The following MGST1 variants were observed in gnomAD, a reference collection of about 807,000 sequenced individuals.
MGST1 encodes glutathione S-transferase 12.
Under a neutral mutation model 8.9 loss-of-function variants are expected in MGST1, and 5 were observed. The ratio of observed to expected loss-of-function variants is 0.56; its 90% CI spans 0.29 to 1.19. MGST1 has a LOEUF of 1.19. MGST1 is among the 50% of genes most tolerant of loss of function. The probability of loss-of-function intolerance (pLI) is 0.08; values close to 1 mark genes in which losing one functional copy is unlikely to be tolerated. For missense variants in MGST1, 182 were observed against 187.4 expected (o/e 0.97, Z 0.17); for synonymous variants, 54 against 67.8 (o/e 0.80, Z 1.00).
At chr12:16,535,419 TAA>T (rs1468943700) in intron 4 of MGST1, among the ~76,000 whole-genome samples, 4 of 152,192 alleles carry the variant, frequency 2.6e-5, no homozygotes, top group Non-Finnish European at 5.9e-5. Context: ...CTAAGAATTA[TAA>T]AGAGTTTTAG....
chr12:16,456,152 T>TA (rs1312874575), intron 4 of MGST1, among the ~76,000 whole-genome samples: 3 of 151,752 alleles, frequency 2.0e-5, no homozygotes, highest in Admixed American at 2.0e-4. Context: ...AATTTTAAAA[T>TA]AAAAAAATTA....
At chr12:16,574,175 A>G (rs1002059687) in intron 4 of MGST1, among the ~76,000 whole-genome samples, 5 of 152,160 alleles carry the variant, frequency 3.3e-5, no homozygotes, top group African/African-American at 9.7e-5. Context: ...TTAGAGGAAG[A>G]CAGTAGGGCT....
At chr12:16,367,922 T>TTTTTTTTTTTTTTTTTTGAGAC (rs1565440579), downstream of MGST1, among the ~76,000 whole-genome samples, 20 of 152,174 alleles carry the variant, frequency 1.3e-4, no homozygotes, top group East Asian at 7.7e-4. Context: ...TCCTGTTTCT[T>TTTTTTTTTTTTTTTTTTGAGAC]GGGCTATCCA....
At chr12:16,472,893 A>G (rs1941297509) in intron 4 of MGST1, among the ~76,000 whole-genome samples, 1 of 152,196 alleles carries the variant, frequency 6.6e-6, no homozygotes, top group Non-Finnish European at 1.5e-5. Context: ...CTTTGAGCCA[A>G]GCTCTAAAGG....
rs150628270 is a variant in MGST1, at chr12:16,399,988, G to C, written n.778+16384G>C. The C allele has an allele frequency of 4.2e-6, 6 of 1,434,916 alleles. No homozygotes were observed. The African/African-American group carries it at 7.0e-5, about 17-fold the overall frequency. The allele number at this position is 1,434,916 out of a possible 1,614,324, so 88.9% of individuals were successfully genotyped here. A position where few individuals can be genotyped will look rare whatever the true frequency, so the allele number is the denominator to read the frequency against. On this transcript the variant is annotated intron_variant and non_coding_transcript_variant, in intron 1 of 1. Transcript: ENST00000359720. ...ACTACTAGTGGGCTGAAGGAGGCAGGTACTCCTGTAGGGAGCTCTGTTAAA... is the reference window on the plus strand; with the variant it reads ...ACTACTAGTGGGCTGAAGGAGGCAGCTACTCCTGTAGGGAGCTCTGTTAAA...
chr12:16,483,812 T>C (rs1189279744), intron 4 of MGST1, among the ~76,000 whole-genome samples: 1 of 152,170 alleles, frequency 6.6e-6, no homozygotes, highest in African/African-American at 2.4e-5. Flanking sequence ...ATGTGAAAGA[T>C]TTGGGTACTA....
exon 1 of MGST1, chr12:16,383,088 A>C (rs1940472054): frequency 6.6e-6 from 1 of 152,654 alleles, no homozygotes; most frequent in Non-Finnish European, 1.5e-5. Flanking sequence ...GACCCCTTGC[A>C]CTTCCTGGGT....
chr12:16,487,702 C>T (rs1941409022), intron 4 of MGST1, among the ~76,000 whole-genome samples: 1 of 152,098 alleles, frequency 6.6e-6, no homozygotes, highest in Non-Finnish European at 1.5e-5. Flanking sequence ...GGCTGGAGGG[C>T]AGTGGCGTGA....
chr12:16,369,933 C>T lies in MGST1; in HGVS notation c.222-6189C>T, dbSNP rs548922349. ...CTAAAGTGCTGGGAAATGGACTCAA[C>T]CCCCTCAGGGAGATGAACCGCAAAG... On this transcript the variant is annotated intron_variant, in intron 3 of 3. Coordinates refer to the MGST1 transcript ENST00000535309. The surrounding 1 kb of genome is among the most constrained non-coding windows in gnomAD (Gnocchi z 4.8). 1 of 152,336 alleles carries T rather than the reference C, an allele frequency of 6.6e-6. No individual in the cohort carries two copies. The highest frequency in any genetic ancestry group is 1.9e-4 in the East Asian group (1 of 5,168). 9.4% of individuals were successfully genotyped at this position (152,336 alleles called of 1,614,324 possible).
intron 4 of MGST1, among the ~76,000 whole-genome samples, chr12:16,516,741 A>G (rs369235199): frequency 2.6e-5 from 4 of 152,304 alleles, no homozygotes; most frequent in East Asian, 1.9e-4. Context: ...TCTATCAGAA[A>G]TGACCTCCCT....
At chr12:16,354,563 A>G (rs1939624664) in intron 2 of MGST1, 185 bp downstream of exon 2, 3 of 448,372 alleles carry the variant, frequency 6.7e-6, no homozygotes, top group Non-Finnish European at 1.2e-5. Flanking sequence ...GCTTTCTCCT[A>G]GAAACTAGTA....
chr12:16,468,068 AAAC>A (rs1240550253), intron 4 of MGST1, among the ~76,000 whole-genome samples: 4 of 152,182 alleles, frequency 2.6e-5, no homozygotes, highest in Admixed American at 6.5e-5. Flanking sequence ...AACTATCGCA[AAAC>A]AACAATTTTC....
chr12:16,529,926 A>G (rs999642854), intron 4 of MGST1, among the ~76,000 whole-genome samples: 27 of 152,142 alleles, frequency 1.8e-4, no homozygotes. Flanking sequence ...TAACTATCTT[A>G]GTCACCCACA....
intron 3 of MGST1, among the ~76,000 whole-genome samples, chr12:16,371,789 C>T (rs1425879840): frequency 6.6e-6 from 1 of 151,990 alleles, no homozygotes; most frequent in Non-Finnish European, 1.5e-5. Context: ...CTTGATTTTG[C>T]CTCTTAGCTC....
intron 1 of MGST1, among the ~76,000 whole-genome samples, chr12:16,435,846 G>A (rs1185869408): frequency 6.6e-6 from 1 of 151,868 alleles, no homozygotes; most frequent in Non-Finnish European, 1.5e-5. Flanking sequence ...TGTACTTAGA[G>A]ACATTATTCA....
At chr12:16,464,544 G>C (rs1941241721) in intron 4 of MGST1, among the ~76,000 whole-genome samples, 1 of 152,216 alleles carries the variant, frequency 6.6e-6, no homozygotes, top group African/African-American at 2.4e-5. Context: ...CAACCAACAA[G>C]CTATTAATTG....
intron 4 of MGST1, among the ~76,000 whole-genome samples, chr12:16,475,983 TGACTA>T (rs901840087): frequency 1.3e-5 from 2 of 152,004 alleles, no homozygotes; most frequent in African/African-American, 4.8e-5. Context: ...TACATGATCT[TGACTA>T]GAAAGAGGAA....
intron 2 of MGST1, 178 bp downstream of exon 2, chr12:16,354,556 T>C: frequency 2.1e-6 from 1 of 486,506 alleles, no homozygotes; most frequent in Non-Finnish European, 3.5e-6. Context: ...AACAGTTGCT[T>C]TCTCCTAGAA....
rs1220610272 is a variant in MGST1 at position 16,576,974 on chromosome 12, C to G, written n.483-12554C>G. Among the ~76,000 whole-genome samples, 2 of 152,174 alleles carry G rather than the reference C, an allele frequency of 1.3e-5. No homozygotes were observed. The highest frequency in any genetic ancestry group is 4.8e-5 in the African/African-American group (2 of 41,442). On this transcript the variant is annotated intron_variant and non_coding_transcript_variant, in intron 4 of 4. Transcript: ENST00000538857. The surrounding 1 kb of genome is among the most constrained non-coding windows in gnomAD (Gnocchi z 4.1). ...TAAGGGCAAAGCTATATGAGTAAAACTACACTGGAAGCTTGCTAGGCAACA... is the reference window on the plus strand; with the variant it reads ...TAAGGGCAAAGCTATATGAGTAAAAGTACACTGGAAGCTTGCTAGGCAACA...
Sources: allele counts gnomAD v4.1 joint callset (sites outside exome capture counted in the v4.1 genomes callset), GRCh38; gene constraint gnomAD v4.1.1; non-coding constraint Gnocchi (gnomAD v3.1); transcripts MANE v1.5; gene names NCBI Gene and HGNC (gene_info 2026-07-23, HGNC 2026-07-21).